ATRNL1: variants seen among roughly 807,000 people sequenced by gnomAD.
ATRNL1 encodes the protein attractin-like protein 1.
ATRNL1 carries 95 observed loss-of-function variants against 182.7 expected under a neutral mutation model. The ratio of observed to expected loss-of-function variants is 0.52; its 90% CI spans 0.44 to 0.62. ATRNL1 has a LOEUF of 0.62. Ranked by LOEUF, ATRNL1 falls within the 20% of genes least tolerant of loss-of-function variation. ATRNL1 has a pLI of 0.00. For synonymous variants in ATRNL1, 576 were observed against 568.3 expected, an observed-to-expected ratio of 1.01 and a Z score of -0.19; for missense variants, 1,471 against 1,679.5, an observed-to-expected ratio of 0.88 and a Z score of 2.17.
At chr10:115,124,304 G>T (rs1416134475) in intron 3 of ATRNL1, among the ~76,000 whole-genome samples, 1 of 152,046 alleles carries the variant, frequency 6.6e-6, no homozygotes, top group Non-Finnish European at 1.5e-5. Context: ...AATTATCATA[G>T]AACTCAGGAA....
chr10:115,230,842 A>G (rs1849893304), intron 9 of ATRNL1, among the ~76,000 whole-genome samples: 1 of 148,972 alleles, frequency 6.7e-6, no homozygotes. Context: ...AAGAATTGAA[A>G]AAACTAGGGG....
At chr10:115,578,580 A>G (rs1854870549) in intron 26 of ATRNL1, among the ~76,000 whole-genome samples, 1 of 151,538 alleles carries the variant, frequency 6.6e-6, no homozygotes, top group African/African-American at 2.4e-5. Flanking sequence ...TTTCTGAGGT[A>G]TCCCTTATAA....
chr10:115,363,992 G>T (rs1592526944), intron 19 of ATRNL1, among the ~76,000 whole-genome samples: 1 of 152,038 alleles, frequency 6.6e-6, no homozygotes, highest in South Asian at 2.1e-4. Context: ...GGATTGACTT[G>T]GTGATGCGGG....
chr10:115,385,092 G>T (rs148924881), intron 19 of ATRNL1, among the ~76,000 whole-genome samples: 1 of 151,960 alleles, frequency 6.6e-6, no homozygotes, highest in Admixed American at 6.6e-5. Flanking sequence ...TCATAAATTT[G>T]TAAACGTATG....
At chr10:115,838,794 T>A (rs1426144349) in intron 27 of ATRNL1, among the ~76,000 whole-genome samples, 1 of 48,652 alleles carries the variant, frequency 2.1e-5, no homozygotes, top group Non-Finnish European at 6.6e-5. Flanking sequence ...TTTCGCAGTA[T>A]TTTTTTTAAT....
At position 115,924,197 on chromosome 10, in the gene ATRNL1, T is replaced by A. The variant is rs1457074814; in HGVS notation, c.4019-20461T>A. ...CAAAACATTTCTCCCATTCTGTAGG[T>A]TGACTGTTCACCCTGATGATAGTTT... On this transcript the variant is annotated intron_variant, in intron 28 of 28. Transcript: ENST00000355044. Among the ~76,000 whole-genome samples the A allele has an allele frequency of 2.0e-5, 3 of 152,220 alleles. No homozygotes were observed. In the East Asian group the frequency reaches 5.8e-4, roughly 29 times the overall value.
chr10:115,720,726 T>A (rs1325056352), intron 26 of ATRNL1, among the ~76,000 whole-genome samples: 4 of 152,242 alleles, frequency 2.6e-5, no homozygotes, highest in African/African-American at 9.6e-5. Context: ...ACCAGTGAGC[T>A]ACATGAAGAA....
chr10:115,812,379 C>A (rs1555087224), intron 27 of ATRNL1, among the ~76,000 whole-genome samples: 2 of 152,114 alleles, frequency 1.3e-5, no homozygotes, highest in Non-Finnish European at 2.9e-5. Context: ...ACATATTTCA[C>A]ACTTCTTTTC....
At position 115,401,322 on chromosome 10, in the gene ATRNL1, G is replaced by A. The variant is rs1282272842; in HGVS notation, c.3269+6570G>A. 3.9e-5 allele frequency among the ~76,000 whole-genome samples: 6 copies of A among 152,066 alleles called. No individual in the cohort carries two copies. The South Asian group carries it at 1.2e-3, about 32-fold the overall frequency. On this transcript the variant is annotated intron_variant, in intron 20 of 28. Coordinates refer to ENST00000355044, the MANE Select transcript of ATRNL1 (RefSeq NM_207303.4). ...TCCTTAGTTCATAATTAAAATGGAT[G>A]TATGTAGCAGCCAGCAGATGTCTCA...
chr10:115,480,135 G>A (rs1554973874), intron 24 of ATRNL1, among the ~76,000 whole-genome samples: 1 of 150,874 alleles, frequency 6.6e-6, no homozygotes. Context: ...AAGAAGAAGT[G>A]AATCCTAGTG....
rs148253528 is a variant in ATRNL1 at position 115,173,173 on chromosome 10, A to C, written c.1348+1881A>C. ...AAGCTTGCTTACATACATTATTGTCATAACAAACTCATGACAACGTTGAGG... is the reference window on the plus strand; with the variant it reads ...AAGCTTGCTTACATACATTATTGTCCTAACAAACTCATGACAACGTTGAGG... On this transcript the variant is annotated intron_variant, in intron 8 of 28. Transcript: ENST00000355044. Among the ~76,000 whole-genome samples, 158 of 152,130 alleles carry C rather than the reference A, an allele frequency of 1.0e-3. 2 individuals are homozygous for C. Among genetic ancestry groups the C allele is most frequent in the African/African-American group, 3.6e-3 (149 of 41,564 alleles).
chr10:115,287,210 GTTAACA>G (rs1335730859), intron 15 of ATRNL1, among the ~76,000 whole-genome samples: 10 of 152,128 alleles, frequency 6.6e-5, no homozygotes, highest in Admixed American at 1.3e-4. Flanking sequence ...TTAGTAGCAA[GTTAACA>G]TCCCTAGCTC....
intron 26 of ATRNL1, among the ~76,000 whole-genome samples, chr10:115,599,174 A>T (rs1376687911): frequency 6.6e-6 from 1 of 152,120 alleles, no homozygotes; most frequent in Admixed American, 6.6e-5. Flanking sequence ...GTACTATAAA[A>T]TTTTTCCCAA....
chr10:115,531,591 T>A (rs79878971), intron 25 of ATRNL1, among the ~76,000 whole-genome samples: 23,026 of 145,318 alleles, frequency 0.16, 2,390 homozygotes, highest in Non-Finnish European at 0.23. Context: ...CTGTTCACTC[T>A]GATGGTAGTT....
At chr10:115,661,291 G>GT (rs1165462306) in intron 26 of ATRNL1, among the ~76,000 whole-genome samples, 1 of 152,038 alleles carries the variant, frequency 6.6e-6, no homozygotes, top group African/African-American at 2.4e-5. Flanking sequence ...GCATAGAAAT[G>GT]TTTTTTAAAT....
chr10:115,622,366 T>A (rs1857823077), intron 26 of ATRNL1, among the ~76,000 whole-genome samples: 2 of 152,214 alleles, frequency 1.3e-5, no homozygotes, highest in South Asian at 4.1e-4. Flanking sequence ...TAATCAAGTG[T>A]TCTTATGCAT....
intron 20 of ATRNL1, among the ~76,000 whole-genome samples, chr10:115,398,380 T>C (rs1844390142): frequency 6.6e-6 from 1 of 152,024 alleles, no homozygotes; most frequent in Non-Finnish European, 1.5e-5. Context: ...ATTTGTGTCA[T>C]CTCTGATTTT....
intron 15 of ATRNL1, among the ~76,000 whole-genome samples, chr10:115,296,786 A>AT (rs1853215693): frequency 6.6e-6 from 1 of 152,182 alleles, no homozygotes; most frequent in East Asian, 1.9e-4. Context: ...AACTGTAGCT[A>AT]TTTTTCTGTG....
At chr10:115,131,597 G>A (rs1293186187) in intron 5 of ATRNL1, among the ~76,000 whole-genome samples, 1 of 152,142 alleles carries the variant, frequency 6.6e-6, no homozygotes, top group East Asian at 1.9e-4. Context: ...GAGGTAAGAA[G>A]AGGAGATAGA....
Sources: gnomAD v4.1 joint callset for allele counts (sites outside exome capture counted in the v4.1 genomes callset) on GRCh38, gnomAD v4.1.1 for gene constraint, MANE v1.5 for transcripts, NCBI Gene and HGNC (gene_info 2026-07-23, HGNC 2026-07-21) for gene names.